The following MIPEP variants were observed in gnomAD, a reference collection of about 807,000 sequenced individuals.
MIPEP encodes the protein mitochondrial intermediate peptidase.
In MIPEP, 79 loss-of-function variants were observed where a neutral mutation model predicts 90.3. The observed-to-expected ratio is 0.87, with a 90% CI of 0.73 to 1.05. The LOEUF is 1.05. MIPEP is among the 50% of genes least tolerant of loss of function. The pLI, the probability that MIPEP is intolerant of heterozygous loss-of-function variation, is 0.00. For missense variants in MIPEP, 940 were observed against 905.6 expected, an observed-to-expected ratio of 1.04 and a Z score of -0.49; for synonymous variants, 334 against 315.8, an observed-to-expected ratio of 1.06 and a Z score of -0.61.
chr13:23,791,909 A>T (rs780707465), intron 16 of MIPEP, among the ~76,000 whole-genome samples: 6 of 152,054 alleles, frequency 3.9e-5, no homozygotes, highest in Non-Finnish European at 8.8e-5. Context: ...GTCAATAACG[A>T]CCTTCACCTT....
chr13:23,888,525 T>G (rs1246944326), intron 1 of MIPEP, among the ~76,000 whole-genome samples: 7 of 152,192 alleles, frequency 4.6e-5, no homozygotes, highest in Non-Finnish European at 1.0e-4. Flanking sequence ...GGCTAGTGAC[T>G]TCCTGGGGTA....
intron 14 of MIPEP, among the ~76,000 whole-genome samples, chr13:23,828,025 T>C (rs7330646): frequency 2.0e-5 from 3 of 152,050 alleles, no homozygotes; most frequent in African/African-American, 7.2e-5. Context: ...AATCCTGAAA[T>C]GCAAAGGTGG....
chr13:23,812,542 C>T (rs1467862723), intron 14 of MIPEP, among the ~76,000 whole-genome samples: 2 of 152,010 alleles, frequency 1.3e-5, no homozygotes, highest in South Asian at 4.2e-4. Context: ...CCAAAGGGAC[C>T]CCAGAGAAAC....
At chr13:23,779,751 T>G (rs1240935179) in intron 16 of MIPEP, among the ~76,000 whole-genome samples, 12 of 152,094 alleles carry the variant, frequency 7.9e-5, no homozygotes, top group African/African-American at 1.2e-4. Context: ...ATCGGATCAC[T>G]CCCACCCTAA....
intron 10 of MIPEP, among the ~76,000 whole-genome samples, chr13:23,846,198 T>G (rs577159679): frequency 2.2e-4 from 34 of 152,334 alleles, no homozygotes; most frequent in African/African-American, 7.9e-4. Context: ...GATGCTCTTT[T>G]TCTTAATTTT....
intron 16 of MIPEP, among the ~76,000 whole-genome samples, chr13:23,764,847 G>T (rs758778112): frequency 6.6e-6 from 1 of 152,214 alleles, no homozygotes; most frequent in African/African-American, 2.4e-5. Flanking sequence ...GTTAGCCACT[G>T]TGCTCAGCCA....
At chr13:23,747,444 C>T (rs763713503) in intron 18 of MIPEP, 16 of 441,326 alleles carry the variant, frequency 3.6e-5, no homozygotes, top group Non-Finnish European at 7.2e-5. Flanking sequence ...TGCCTGCTAT[C>T]TAGCTGCTTA....
chr13:23,875,389 T>A (rs1354365186), intron 4 of MIPEP, among the ~76,000 whole-genome samples: 1 of 152,180 alleles, frequency 6.6e-6, no homozygotes, highest in Non-Finnish European at 1.5e-5. Flanking sequence ...AGATTTTTAG[T>A]TTTTCTTCTA....
Position 23,792,419 on chromosome 13 carries a change from G to C in MIPEP, c.1848+13531C>G, listed in dbSNP as rs375442708. Among the ~76,000 whole-genome samples the C allele has an allele frequency of 3.9e-5, 6 of 152,266 alleles. No individual in the cohort carries two copies. In the East Asian group the frequency reaches 1.2e-3, roughly 29 times the overall value. ...TTCTCCATCTTTATTTTTTGAGGCA[G>C]GGTCTTGCCCAGGCTAGAATGCACT... On this transcript the variant is annotated intron_variant, in intron 16 of 18. Transcript: ENST00000382172.
chr13:23,861,611 C>T (rs995726862), intron 9 of MIPEP, among the ~76,000 whole-genome samples: 1 of 152,148 alleles, frequency 6.6e-6, no homozygotes, highest in East Asian at 1.9e-4. Context: ...GCTCTGGCAG[C>T]AGCAACTAAG....
chr13:23,775,017 T>C (rs1311116548), intron 16 of MIPEP, among the ~76,000 whole-genome samples: 1 of 152,008 alleles, frequency 6.6e-6, no homozygotes, highest in African/African-American at 2.4e-5. Context: ...CAGGCTGGTC[T>C]TGAACTCCTG....
chr13:23,761,688 A>T (rs1465190427), intron 16 of MIPEP, among the ~76,000 whole-genome samples: 1 of 152,132 alleles, frequency 6.6e-6, no homozygotes, highest in African/African-American at 2.4e-5. Flanking sequence ...CTGTAACGTC[A>T]CCCCAGCCAA....
chr13:23,836,874 T>C (rs2137455877), intron 13 of MIPEP, among the ~76,000 whole-genome samples: 1 of 152,336 alleles, frequency 6.6e-6, no homozygotes, highest in South Asian at 2.1e-4. Flanking sequence ...CATTTAACGA[T>C]TGTGTTCAGC....
At chr13:23,780,178 G>A (rs1193423895) in intron 16 of MIPEP, among the ~76,000 whole-genome samples, 7 of 152,218 alleles carry the variant, frequency 4.6e-5, no homozygotes, top group African/African-American at 7.2e-5. Flanking sequence ...CCTGACCCCC[G>A]AGTAGCCTAA....
intron 5 of MIPEP, 74 bp downstream of exon 5, chr13:23,874,772 G>T: frequency 1.6e-6 from 2 of 1,260,846 alleles, no homozygotes; most frequent in Non-Finnish European, 2.2e-6. Context: ...ATATATACAA[G>T]GACTGTAGCA....
intron 14 of MIPEP, among the ~76,000 whole-genome samples, chr13:23,824,757 G>A (rs1467431729): frequency 6.6e-6 from 1 of 152,178 alleles, no homozygotes; most frequent in Non-Finnish European, 1.5e-5. Context: ...AAAACCTCAA[G>A]CCTAAATCCA....
intron 18 of MIPEP, chr13:23,756,301 T>G: frequency 2.4e-6 from 1 of 423,406 alleles, no homozygotes; most frequent in Non-Finnish European, 4.4e-6. Flanking sequence ...ATTACAGGCG[T>G]CTGCCACCAC....
intron 1 of MIPEP, chr13:23,888,864 A>C: frequency 8.2e-6 from 5 of 611,558 alleles, no homozygotes; most frequent in Non-Finnish European, 1.2e-5. Flanking sequence ...TGCCAGAACG[A>C]ACTATTCAGA....
intron 16 of MIPEP, among the ~76,000 whole-genome samples, chr13:23,764,078 G>A (rs1952571849): frequency 6.6e-6 from 1 of 152,228 alleles, no homozygotes; most frequent in African/African-American, 2.4e-5. Context: ...ATATTTGTCA[G>A]ATGGATAAAA....
Sources: gnomAD v4.1 joint callset for allele counts (sites outside exome capture counted in the v4.1 genomes callset) on GRCh38, gnomAD v4.1.1 for gene constraint, MANE v1.5 for transcripts, NCBI Gene and HGNC (gene_info 2026-07-23, HGNC 2026-07-21) for gene names.